GNAO1: variants seen among roughly 807,000 people sequenced by gnomAD.
GNAO1 encodes the protein guanine nucleotide-binding protein G(o) subunit alpha.
For synonymous variants in GNAO1, 164 were observed against 180.7 expected (o/e 0.91, Z 0.74); for missense variants, 166 against 478.7 (o/e 0.35, Z 6.10).
chr16:56,279,037 A>C, intron 3 of GNAO1, among the ~76,000 whole-genome samples: 1 of 146,220 alleles, frequency 6.8e-6, no homozygotes, highest in Non-Finnish European at 1.5e-5. Flanking sequence ...TGAAGAAGAG[A>C]CCTCCTTCCC....
intron 2 of GNAO1, among the ~76,000 whole-genome samples, chr16:56,273,942 G>C (rs779331586): frequency 2.0e-5 from 3 of 152,198 alleles, no homozygotes; most frequent in Non-Finnish European, 4.4e-5. Flanking sequence ...TCCTTGACCA[G>C]CTGTGGAATC....
Position 56,209,541 on chromosome 16 carries a change from C to T in GNAO1, c.161+16925C>T, listed in dbSNP as rs1279275148. ...TAGGATCTGTTGATTAGTATTTATTCGAATCCACTACTCTGAGTAGAATTG... is the reference window on the plus strand; with the variant it reads ...TAGGATCTGTTGATTAGTATTTATTTGAATCCACTACTCTGAGTAGAATTG... On this transcript the variant is annotated intron_variant, in intron 2 of 8. Coordinates refer to ENST00000262493, the MANE Select transcript of GNAO1 (RefSeq NM_020988.3). Among the ~76,000 whole-genome samples, 6 of 152,230 alleles carry T rather than the reference C, an allele frequency of 3.9e-5. No individual in the cohort carries two copies. In the East Asian group the frequency reaches 9.6e-4, roughly 24 times the overall value.
chr16:56,331,594 C>A (rs184141689), intron 4 of GNAO1, among the ~76,000 whole-genome samples: 2 of 152,150 alleles, frequency 1.3e-5, no homozygotes, highest in Non-Finnish European at 2.9e-5. Context: ...CCTCTCGGGC[C>A]GCCCTTTCCA....
intron 6 of GNAO1, among the ~76,000 whole-genome samples, chr16:56,337,665 G>A (rs1213764572): frequency 6.6e-6 from 1 of 152,234 alleles, no homozygotes; most frequent in African/African-American, 2.4e-5. Flanking sequence ...CTGCCTGTGG[G>A]GGGCTGTTGG....
chr16:56,199,975 A>G (rs1351184568), intron 2 of GNAO1, among the ~76,000 whole-genome samples: 2 of 152,186 alleles, frequency 1.3e-5, no homozygotes, highest in African/African-American at 2.4e-5. Flanking sequence ...TAGAATGGAG[A>G]AAAGAGAAAG....
Position 56,334,556 on chromosome 16 carries a change from C to A in GNAO1, c.465-173C>A, listed in dbSNP as rs1033102999. On this transcript the variant is annotated intron_variant, in intron 4 of 8. Coordinates refer to ENST00000262493, the MANE Select transcript of GNAO1 (RefSeq NM_020988.3). ...GTGCGTGAGGCCAAGACCCCTAAGA[C>A]CCACTTCCTCAGTCGCCCCCACTCC... Among the ~76,000 whole-genome samples the A allele has an allele frequency of 5.9e-5, 9 of 152,168 alleles. No homozygotes were observed. The East Asian group carries it at 1.7e-3, about 29-fold the overall frequency.
intron 2 of GNAO1, among the ~76,000 whole-genome samples, chr16:56,257,993 ATTC>A (rs1167208439): frequency 6.6e-6 from 1 of 152,238 alleles, no homozygotes; most frequent in Non-Finnish European, 1.5e-5. Flanking sequence ...TTTTGTGACA[ATTC>A]TTCTGATTTA....
intron 3 of GNAO1, among the ~76,000 whole-genome samples, chr16:56,297,525 GT>G (rs1196846041): frequency 9.2e-4 from 23 of 24,952 alleles, no homozygotes; most frequent in African/African-American, 2.9e-3. Flanking sequence ...TCTAACTGGT[GT>G]GTGTGTGTGT....
In GNAO1 at chr16:56,290,602, C is replaced by G. The variant is rs2071715789; in HGVS notation, c.303+14530C>G. Among the ~76,000 whole-genome samples the G allele has an allele frequency of 2.0e-5, 3 of 152,176 alleles. No individual in the cohort carries two copies. In the South Asian group the frequency reaches 6.2e-4, roughly 32 times the overall value. On this transcript the variant is annotated intron_variant, in intron 3 of 8. Transcript: ENST00000262493. ...CCTCTTGCAGGCCTCAATTTTTTCA[C>G]CTGCTGAATTGAAACCACACCTGCC... is the stretch of plus-strand genomic sequence containing the variant.
chr16:56,341,761 A>T (rs2037806470), intron 6 of GNAO1, among the ~76,000 whole-genome samples: 1 of 152,204 alleles, frequency 6.6e-6, no homozygotes, highest in African/African-American at 2.4e-5. Context: ...GCAGGTTGGC[A>T]GCTCTGGTCA....
intron 2 of GNAO1, among the ~76,000 whole-genome samples, chr16:56,223,202 A>G (rs1202977490): frequency 6.6e-6 from 1 of 151,934 alleles, no homozygotes; most frequent in Non-Finnish European, 1.5e-5. Flanking sequence ...GCTCTTGGAG[A>G]TTTTGGCAGA....
chr16:56,344,675 A>G (rs1230243968), intron 6 of GNAO1: 15 of 985,392 alleles, frequency 1.5e-5, no homozygotes, highest in Non-Finnish European at 1.8e-5. Context: ...AGGTGCGGGG[A>G]AGGGAGGTGG....
At chr16:56,256,728 G>C (rs1020675511) in intron 2 of GNAO1, among the ~76,000 whole-genome samples, 1,580 of 59,934 alleles carry the variant, frequency 0.026, 21 homozygotes, top group African/African-American at 0.082. Context: ...CTGTGTGTGT[G>C]TGTGTGTGTG....
chr16:56,193,523 C>G, intron 2 of GNAO1: 1 of 163,902 alleles, frequency 6.1e-6, no homozygotes. Flanking sequence ...TGCCGCCGCC[C>G]CCTTCTGCCT....
At chr16:56,236,288 G>C (rs1304702344) in intron 2 of GNAO1, among the ~76,000 whole-genome samples, 4 of 152,202 alleles carry the variant, frequency 2.6e-5, no homozygotes, top group African/African-American at 9.7e-5. Flanking sequence ...AGAAAAGAGA[G>C]CCTGGGTTAA....
chr16:56,332,662 T>C lies in GNAO1; in HGVS notation c.465-2067T>C, dbSNP rs116777076. 8.7e-3 allele frequency among the ~76,000 whole-genome samples: 1,321 copies of C among 152,222 alleles called. 23 individuals carry two copies. The highest frequency in any genetic ancestry group is 0.03 in the African/African-American group (1,237 of 41,552). ...TGGACAGCAGGTGCACAGTCAGCCT[T>C]CCCGACTGGGTTGTTAAGCAGTTCT... is the stretch of plus-strand genomic sequence containing the variant. On this transcript the variant is annotated intron_variant, in intron 4 of 8. Coordinates refer to ENST00000262493, the MANE Select transcript of GNAO1 (RefSeq NM_020988.3).
intron 5 of GNAO1, among the ~76,000 whole-genome samples, chr16:56,336,141 C>G (rs773060303): frequency 1.3e-5 from 2 of 152,198 alleles, no homozygotes; most frequent in Non-Finnish European, 2.9e-5. Context: ...GGAGTAGAGT[C>G]TGAGAGGGGG....
chr16:56,220,750 G>T (rs35869729), intron 2 of GNAO1, among the ~76,000 whole-genome samples: 28,267 of 151,874 alleles, frequency 0.19, 3,498 homozygotes, highest in Non-Finnish European at 0.27. Context: ...TGTTGTTGTT[G>T]TTGTTGTTGT....
intron 2 of GNAO1, among the ~76,000 whole-genome samples, chr16:56,232,190 A>G (rs181840708): frequency 3.3e-5 from 5 of 152,354 alleles, no homozygotes; most frequent in African/African-American, 1.2e-4. Flanking sequence ...TCCTACAAAA[A>G]TAAAAAAAAT....
Sources: allele counts gnomAD v4.1 joint callset (sites outside exome capture counted in the v4.1 genomes callset), GRCh38; gene constraint gnomAD v4.1.1; transcripts MANE v1.5; gene names NCBI Gene and HGNC (gene_info 2026-07-23, HGNC 2026-07-21).